The following PBX3 variants were observed in gnomAD, a reference collection of about 807,000 sequenced individuals.
PBX3 encodes the protein PBX homeobox 3.
Under a neutral mutation model 48.5 loss-of-function variants are expected in PBX3, and 14 were observed. That is an observed-to-expected ratio of 0.29 (90% CI 0.19 to 0.45). PBX3 has a LOEUF of 0.45. PBX3 is among the 20% of genes least tolerant of loss of function. The pLI is 1.00. For synonymous variants in PBX3, 210 were observed against 200.3 expected (o/e 1.05, Z -0.41); for missense variants, 386 against 546.7 (o/e 0.71, Z 2.93).
intron 2 of PBX3, among the ~76,000 whole-genome samples, chr9:125,859,226 T>A (rs187941438): frequency 4.3e-4 from 65 of 152,348 alleles, no homozygotes; most frequent in South Asian, 1.7e-3. Flanking sequence ...AGGACTTTTT[T>A]AATTGATTTT....
At chr9:125,963,212 A>G (rs1385811976) in intron 8 of PBX3, 111 bp downstream of exon 8, 5 of 547,068 alleles carry the variant, frequency 9.1e-6, no homozygotes, top group Non-Finnish European at 1.6e-5. Context: ...CAGGTAGGGA[A>G]GGCAGCGTCT....
intron 2 of PBX3, among the ~76,000 whole-genome samples, chr9:125,895,921 A>C (rs1402259500): frequency 6.6e-6 from 1 of 152,046 alleles, no homozygotes; most frequent in Non-Finnish European, 1.5e-5. Context: ...TTTAATTCTC[A>C]GATAAGGTTT....
chr9:125,777,323 A>G (rs1472086905), intron 2 of PBX3, among the ~76,000 whole-genome samples: 4 of 149,326 alleles, frequency 2.7e-5, no homozygotes, highest in Non-Finnish European at 5.9e-5. Context: ...TCTTCTTTTT[A>G]AGAGTTTGAG....
intron 2 of PBX3, among the ~76,000 whole-genome samples, chr9:125,906,623 A>G (rs755987593): frequency 2.6e-5 from 4 of 151,958 alleles, no homozygotes; most frequent in Non-Finnish European, 5.9e-5. Flanking sequence ...TTAAACTACA[A>G]AGTAAGTATA....
chr9:125,817,628 ACTAAT>A (rs1475942107), intron 2 of PBX3, among the ~76,000 whole-genome samples: 1 of 152,174 alleles, frequency 6.6e-6, no homozygotes, highest in Non-Finnish European at 1.5e-5. Context: ...ACCCCACTAA[ACTAAT>A]CTAACTAAAG....
chr9:125,921,366 T>A (rs10122761), intron 3 of PBX3, among the ~76,000 whole-genome samples: 2 of 152,100 alleles, frequency 1.3e-5, no homozygotes, highest in Non-Finnish European at 2.9e-5. Flanking sequence ...TTTGTACTTA[T>A]TCAGGCAATG....
chr9:125,853,181 C>T (rs10986978), intron 2 of PBX3, among the ~76,000 whole-genome samples: 3,049 of 152,158 alleles, frequency 0.02, 168 homozygotes, highest in East Asian at 0.17. Context: ...AATTGTACTC[C>T]TTACCTGAAT....
intron 2 of PBX3, among the ~76,000 whole-genome samples, chr9:125,813,003 C>G (rs963245149): frequency 3.3e-5 from 5 of 152,284 alleles, no homozygotes; most frequent in African/African-American, 1.2e-4. Flanking sequence ...GACATTAGTG[C>G]ATACTACCGC....
chr9:125,852,452 C>T (rs1300209909), intron 2 of PBX3, among the ~76,000 whole-genome samples: 1 of 152,110 alleles, frequency 6.6e-6, no homozygotes, highest in Non-Finnish European at 1.5e-5. Context: ...TTATTACATT[C>T]TTCATGTTAA....
At chr9:125,920,084 A>ATAT (rs762547274) in intron 3 of PBX3, among the ~76,000 whole-genome samples, 49 of 152,210 alleles carry the variant, frequency 3.2e-4, no homozygotes, top group Non-Finnish European at 3.5e-4. Flanking sequence ...AGGTTCTTGA[A>ATAT]TATTACTGCC....
intron 2 of PBX3, among the ~76,000 whole-genome samples, chr9:125,773,647 GT>G (rs1564646842): frequency 1.3e-5 from 2 of 152,180 alleles, no homozygotes; most frequent in African/African-American, 4.8e-5. Context: ...AAGGGCGTCT[GT>G]TTCTAGCATA....
At chr9:125,878,466 C>T (rs1840307342) in intron 2 of PBX3, among the ~76,000 whole-genome samples, 1 of 152,166 alleles carries the variant, frequency 6.6e-6, no homozygotes, top group African/African-American at 2.4e-5. Context: ...GGGTGTATAC[C>T]CTTCAGACTG....
At chr9:125,965,392 G>A (rs984116591) in intron 8 of PBX3, among the ~76,000 whole-genome samples, 10 of 152,162 alleles carry the variant, frequency 6.6e-5, no homozygotes, top group Non-Finnish European at 1.3e-4. Context: ...GCTGTCAGGC[G>A]TGTATGGAAA....
At chr9:125,864,450 T>C (rs778076965) in intron 2 of PBX3, among the ~76,000 whole-genome samples, 8 of 152,324 alleles carry the variant, frequency 5.3e-5, no homozygotes, top group Non-Finnish European at 1.0e-4. Flanking sequence ...TATTGTGCAC[T>C]TTATTTCTAT....
chr9:125,793,365 A>G (rs1021416913), intron 2 of PBX3, among the ~76,000 whole-genome samples: 1 of 95,574 alleles, frequency 1.0e-5, no homozygotes, highest in Non-Finnish European at 2.2e-5. Context: ...GGGAAAAAAA[A>G]AATATATATA....
At chr9:125,917,489 C>G (rs1841359950) in intron 3 of PBX3, among the ~76,000 whole-genome samples, 1 of 152,128 alleles carries the variant, frequency 6.6e-6, no homozygotes, top group African/African-American at 2.4e-5. Context: ...TAGGGTCATG[C>G]AGAGTATTTT....
intron 2 of PBX3, among the ~76,000 whole-genome samples, chr9:125,898,456 A>AAT (rs776814009): frequency 1.1e-4 from 17 of 150,394 alleles, no homozygotes; most frequent in South Asian, 2.2e-4. Context: ...TCTGAAAAAA[A>AAT]AAAATAAAAA....
intron 5 of PBX3, among the ~76,000 whole-genome samples, chr9:125,948,730 A>G (rs1009649374): frequency 6.6e-6 from 1 of 151,964 alleles, no homozygotes; most frequent in Non-Finnish European, 1.5e-5. Context: ...GTATATATAT[A>G]TATATACATG....
intron 2 of PBX3, among the ~76,000 whole-genome samples, chr9:125,884,049 G>A (rs1307668469): frequency 6.6e-6 from 1 of 152,104 alleles, no homozygotes; most frequent in African/African-American, 2.4e-5. Context: ...ATAATTAATG[G>A]CAATTAATCC....
Sources: allele counts gnomAD v4.1 joint callset (sites outside exome capture counted in the v4.1 genomes callset), GRCh38; gene constraint gnomAD v4.1.1; transcripts MANE v1.5; gene names NCBI Gene and HGNC (gene_info 2026-07-23, HGNC 2026-07-21).